NR2F1-AS1: variants seen among roughly 807,000 people sequenced by gnomAD.
NR2F1-AS1 encodes the protein NR2F1 regulatory antisense RNA 1, also known as NR2F1 antisense RNA 1.
Position 93,577,002 on chromosome 5 carries a change from T to C in NR2F1-AS1, n.313+3465A>G, listed in dbSNP as rs565547399. 1.5e-4 allele frequency among the ~76,000 whole-genome samples: 23 copies of C among 152,370 alleles called. No homozygotes were observed. In the East Asian group the frequency reaches 3.9e-3, roughly 26 times the overall value. ...ATTTCCTTTTTTCTTTTTGCATAAA[T>C]GCATTTAGATAGCTAAGACTTGATT... On this transcript the variant is annotated intron_variant and non_coding_transcript_variant, in intron 1 of 5. Coordinates refer to ENST00000660523, the Ensembl canonical transcript of NR2F1-AS1.
chr5:93,511,819 T>C lies in NR2F1-AS1; in HGVS notation n.638+41942A>G, dbSNP rs373167028. Among the ~76,000 whole-genome samples the C allele has an allele frequency of 1.7e-3, 259 of 152,266 alleles. 1 individual carries two copies. Among genetic ancestry groups the C allele is most frequent in the Middle Eastern group, 6.8e-3 (2 of 292 alleles). On this transcript the variant is annotated intron_variant and non_coding_transcript_variant, in intron 4 of 5. Coordinates refer to ENST00000660523, the Ensembl canonical transcript of NR2F1-AS1. ...AACTATGCATGCGAGGGATCTAGACTGCACACTCCTCATGAGAATCTAATG... is the reference window on the plus strand; with the variant it reads ...AACTATGCATGCGAGGGATCTAGACCGCACACTCCTCATGAGAATCTAATG...
intron 4 of NR2F1-AS1, among the ~76,000 whole-genome samples, chr5:93,524,345 T>A (rs896442840): frequency 6.6e-6 from 1 of 151,976 alleles, no homozygotes; most frequent in Admixed American, 6.6e-5. Flanking sequence ...CTCCAAGAAA[T>A]AGGGGACTAT....
chr5:93,522,277 T>C (rs1184553797), intron 4 of NR2F1-AS1, among the ~76,000 whole-genome samples: 2 of 152,108 alleles, frequency 1.3e-5, no homozygotes, highest in Non-Finnish European at 2.9e-5. Flanking sequence ...ATCTGGGTGA[T>C]GAAATAATCT....
intron 4 of NR2F1-AS1, among the ~76,000 whole-genome samples, chr5:93,455,506 T>G (rs962621369): frequency 6.6e-6 from 1 of 151,784 alleles, no homozygotes; most frequent in Non-Finnish European, 1.5e-5. Context: ...AATAACAACA[T>G]TAGAGACTGC....
At chr5:93,520,568 A>G (rs1751481289) in intron 4 of NR2F1-AS1, among the ~76,000 whole-genome samples, 1 of 152,170 alleles carries the variant, frequency 6.6e-6, no homozygotes, top group South Asian at 2.1e-4. Context: ...TATTTAATCT[A>G]GGACCAGATT....
intron 4 of NR2F1-AS1, among the ~76,000 whole-genome samples, chr5:93,503,374 C>A (rs532390683): frequency 6.6e-6 from 1 of 152,152 alleles, no homozygotes; most frequent in South Asian, 2.1e-4. Flanking sequence ...AGATTAATTT[C>A]ATTAATGTTA....
At chr5:93,446,316 C>T (rs555868535) in intron 4 of NR2F1-AS1, among the ~76,000 whole-genome samples, 1 of 152,258 alleles carries the variant, frequency 6.6e-6, no homozygotes, top group South Asian at 2.1e-4. Context: ...CGTCTCAGCC[C>T]AAAATCTCCT....
intron 4 of NR2F1-AS1, among the ~76,000 whole-genome samples, chr5:93,514,167 A>G (rs1751355997): frequency 6.6e-6 from 1 of 152,092 alleles, no homozygotes; most frequent in Non-Finnish European, 1.5e-5. Context: ...AGGACTACTT[A>G]CAGGAACACT....
intron 1 of NR2F1-AS1, among the ~76,000 whole-genome samples, chr5:93,569,105 C>T (rs1752682766): frequency 6.6e-6 from 1 of 152,154 alleles, no homozygotes; most frequent in Non-Finnish European, 1.5e-5. Context: ...GTTTGAGGTA[C>T]ACACGCACCC....
Position 93,449,442 on chromosome 5 carries a change from T to G in NR2F1-AS1, n.639-53900A>C, listed in dbSNP as rs781602624. 2.6e-5 allele frequency among the ~76,000 whole-genome samples: 4 copies of G among 152,220 alleles called. No homozygotes were observed. The East Asian group carries it at 7.7e-4, about 29-fold the overall frequency. On this transcript the variant is annotated intron_variant and non_coding_transcript_variant, in intron 4 of 5. Transcript: ENST00000660523. ...TTACTCCTTTACTCCAAAAACCCAA[T>G]AGGAATGTATGTTTTAATCTTGCAA...
intron 4 of NR2F1-AS1, among the ~76,000 whole-genome samples, chr5:93,518,306 C>T (rs951321982): frequency 5.3e-5 from 8 of 152,080 alleles, no homozygotes; most frequent in Non-Finnish European, 8.8e-5. Flanking sequence ...GACCAATGAA[C>T]TGCTCTTTTT....
At chr5:93,514,063 C>T (rs1751354111) in intron 4 of NR2F1-AS1, among the ~76,000 whole-genome samples, 1 of 152,026 alleles carries the variant, frequency 6.6e-6, no homozygotes, top group South Asian at 2.1e-4. Context: ...CAGTGTAGTT[C>T]AGTATATAAT....
At chr5:93,518,936 T>C (rs541330806) in intron 4 of NR2F1-AS1, among the ~76,000 whole-genome samples, 5 of 152,166 alleles carry the variant, frequency 3.3e-5, no homozygotes, top group African/African-American at 1.2e-4. Flanking sequence ...AGACTTAAAG[T>C]AGATTAACAC....
At chr5:93,570,902 C>T (rs1353527365) in intron 1 of NR2F1-AS1, 3 of 152,184 alleles carry the variant, frequency 2.0e-5, no homozygotes, top group African/African-American at 4.8e-5. Flanking sequence ...TTCGCTAGTC[C>T]AGGGAAAGGG....
At chr5:93,496,157 T>C (rs1750956067) in intron 4 of NR2F1-AS1, 2 of 152,210 alleles carry the variant, frequency 1.3e-5, no homozygotes, top group African/African-American at 2.4e-5. Flanking sequence ...AATTCCTTTA[T>C]TCATTCATAG....
intron 4 of NR2F1-AS1, among the ~76,000 whole-genome samples, chr5:93,538,519 A>G (rs759756156): frequency 2.6e-5 from 4 of 152,204 alleles, no homozygotes; most frequent in Non-Finnish European, 5.9e-5. Context: ...ATATACAATA[A>G]TCACACAAAT....
intron 4 of NR2F1-AS1, among the ~76,000 whole-genome samples, chr5:93,496,257 A>C (rs1163747414): frequency 6.6e-6 from 1 of 152,228 alleles, no homozygotes; most frequent in African/African-American, 2.4e-5. Flanking sequence ...CTAGCTGCTT[A>C]CGTCTTGCTT....
At chr5:93,569,654 G>T (rs1473568947) in intron 1 of NR2F1-AS1, among the ~76,000 whole-genome samples, 3 of 152,152 alleles carry the variant, frequency 2.0e-5, no homozygotes, top group African/African-American at 7.2e-5. Flanking sequence ...AAATTCCCAA[G>T]GAAGGCACTA....
At chr5:93,471,130 T>C (rs923949474) in intron 4 of NR2F1-AS1, among the ~76,000 whole-genome samples, 19 of 151,898 alleles carry the variant, frequency 1.3e-4, no homozygotes, top group African/African-American at 4.3e-4. Flanking sequence ...AATGAATCAA[T>C]TAGACAAGAA....
Sources: gnomAD v4.1 joint callset for allele counts (sites outside exome capture counted in the v4.1 genomes callset) on GRCh38, gnomAD v4.1.1 for gene constraint, MANE v1.5 for transcripts, NCBI Gene and HGNC (gene_info 2026-07-23, HGNC 2026-07-21) for gene names.